BAZ2B: variants seen among roughly 807,000 people sequenced by gnomAD.
BAZ2B encodes the protein bromodomain adjacent to zinc finger domain protein 2B.
Under a neutral mutation model 246.0 loss-of-function variants are expected in BAZ2B, and 91 were observed. The ratio of observed to expected loss-of-function variants is 0.37; its 90% CI spans 0.31 to 0.44. The LOEUF (loss-of-function observed/expected upper bound fraction) is 0.44. BAZ2B is among the 20% of genes least tolerant of loss of function. BAZ2B has a pLI of 1.00. For missense variants in BAZ2B, 2,332 were observed against 2,533.7 expected, an observed-to-expected ratio of 0.92 and a Z score of 1.71; for synonymous variants, 855 against 860.0, an observed-to-expected ratio of 0.99 and a Z score of 0.10.
chr2:159,580,321 T>C (rs891071781), intron 1 of BAZ2B, among the ~76,000 whole-genome samples: 5 of 152,066 alleles, frequency 3.3e-5, no homozygotes, highest in Non-Finnish European at 7.4e-5. Context: ...CACAATTGCT[T>C]CAAAGAGAAT....
chr2:159,413,108 C>T (rs1407514687), intron 13 of BAZ2B, among the ~76,000 whole-genome samples: 1 of 152,156 alleles, frequency 6.6e-6, no homozygotes, highest in Non-Finnish European at 1.5e-5. Context: ...TATCAGCCTC[C>T]TGATGGAGGC....
chr2:159,420,914 C>T (rs929672717), intron 13 of BAZ2B, among the ~76,000 whole-genome samples: 9 of 152,132 alleles, frequency 5.9e-5, no homozygotes, highest in Non-Finnish European at 1.0e-4. Flanking sequence ...GTTTCTTAAA[C>T]TGCTAACAGA....
At chr2:159,698,993 G>A in the BAZ2B span, among the ~76,000 whole-genome samples, 4 of 152,096 alleles carry the variant, frequency 2.6e-5, no homozygotes, top group African/African-American at 7.2e-5. Flanking sequence ...CCAAAGCAAC[G>A]TGTCTGCTCA....
intron 2 of BAZ2B, among the ~76,000 whole-genome samples, chr2:159,503,493 T>C (rs140227352): frequency 3.3e-5 from 5 of 152,330 alleles, no homozygotes; most frequent in East Asian, 3.9e-4. Flanking sequence ...TCCTTTCCTG[T>C]TAATCTTGTG....
At chr2:159,699,402 T>TG in the BAZ2B span, among the ~76,000 whole-genome samples, 1 of 151,954 alleles carries the variant, frequency 6.6e-6, no homozygotes, top group African/African-American at 2.4e-5. Flanking sequence ...CTGAGTGTGG[T>TG]GGTGCAGGCC....
chr2:159,416,090 C>A (rs1226650048), intron 13 of BAZ2B, among the ~76,000 whole-genome samples: 1 of 152,046 alleles, frequency 6.6e-6, no homozygotes, highest in Non-Finnish European at 1.5e-5. Context: ...TGATAAGTGA[C>A]AGATCATAAC....
Position 159,386,571 on chromosome 2 carries a change from G to C in BAZ2B, c.3253C>G (p.Leu1085Val). The change falls in exon 22 of 37, where the codon CTC becomes GTC. Residue 1085 changes from leucine to valine, a missense_variant. By Grantham distance (32) the Leu-to-Val change is conservative (BLOSUM62 1). This residue lies in a region of BAZ2B where 328 missense variants were observed against 410.4 expected (regional missense o/e 0.80). Transcript: ENST00000392783. ...CAGTCTGAAAATGTACTTCCAGAGA[G>C]AACAAGTCCTGGAATACGAGGCAAC... Reference protein sequence around the residue: ...PELPRIPGLVLSGSTFSDCLM... With the variant: ...PELPRIPGLVVSGSTFSDCLM... 6.2e-7 allele frequency: 1 copy of C among 1,612,684 alleles called. No homozygotes were observed. Among genetic ancestry groups the C allele is most frequent in the Middle Eastern group, 1.7e-4 (1 of 6,052 alleles).
chr2:159,503,505 A>G (rs897937677), intron 2 of BAZ2B, among the ~76,000 whole-genome samples: 17 of 152,130 alleles, frequency 1.1e-4, no homozygotes, highest in Admixed American at 7.2e-4. Context: ...AATCTTGTGT[A>G]TTCCCTAATT....
the BAZ2B span, among the ~76,000 whole-genome samples, chr2:159,662,029 C>T: frequency 1.3e-5 from 2 of 152,198 alleles, no homozygotes; most frequent in Non-Finnish European, 2.9e-5. Flanking sequence ...CCACTGGCAA[C>T]CACCAATCGA....
chr2:159,680,715 T>C, the BAZ2B span, among the ~76,000 whole-genome samples: 1 of 152,154 alleles, frequency 6.6e-6, no homozygotes, highest in African/African-American at 2.4e-5. Flanking sequence ...ACAGGAATAA[T>C]ATATATTCCT....
At chr2:159,520,790 C>G (rs947151084) in intron 2 of BAZ2B, among the ~76,000 whole-genome samples, 4 of 152,094 alleles carry the variant, frequency 2.6e-5, no homozygotes, top group Non-Finnish European at 5.9e-5. Context: ...CTTTTGAGAA[C>G]ACTACCAAAA....
intron 13 of BAZ2B, among the ~76,000 whole-genome samples, chr2:159,418,591 T>C (rs569841941): frequency 6.6e-6 from 1 of 152,262 alleles, no homozygotes; most frequent in African/African-American, 2.4e-5. Flanking sequence ...TTTTAAATAC[T>C]TGTAAGCTGA....
the BAZ2B span, among the ~76,000 whole-genome samples, chr2:159,683,885 G>C: frequency 6.6e-6 from 1 of 152,152 alleles, no homozygotes; most frequent in Non-Finnish European, 1.5e-5. Context: ...TATCTACAAA[G>C]TCTTTTTTGC....
At chr2:159,464,503 G>A (rs1480607686) in intron 3 of BAZ2B, 2 of 152,112 alleles carry the variant, frequency 1.3e-5, no homozygotes, top group Non-Finnish European at 2.9e-5. Context: ...TAGTTCTGGT[G>A]ACATTAACTT....
At chr2:159,428,542 C>A in intron 11 of BAZ2B, 123 bp from the exon 12 acceptor site, 1 of 586,006 alleles carries the variant, frequency 1.7e-6, no homozygotes, top group Non-Finnish European at 2.8e-6. Flanking sequence ...AAAATAAACT[C>A]CTCAAACAAC....
At chr2:159,569,573 T>C (rs1683452593) in intron 1 of BAZ2B, among the ~76,000 whole-genome samples, 1 of 152,172 alleles carries the variant, frequency 6.6e-6, no homozygotes. Context: ...CAAAGTAACA[T>C]ATAATAAAAG....
intron 13 of BAZ2B, chr2:159,419,738 T>C (rs2068406369): frequency 6.6e-6 from 1 of 152,224 alleles, no homozygotes; most frequent in Admixed American, 6.5e-5. Flanking sequence ...TTCACACAGT[T>C]GTCCTCCTAG....
the BAZ2B span, among the ~76,000 whole-genome samples, chr2:159,642,238 CTTT>C: frequency 7.6e-6 from 1 of 131,722 alleles, no homozygotes; most frequent in Admixed American, 8.0e-5. Context: ...TTCTTTCTTT[CTTT>C]TTTTTTTTTT....
At chr2:159,512,412 C>T (rs1030452260) in intron 2 of BAZ2B, among the ~76,000 whole-genome samples, 7 of 152,110 alleles carry the variant, frequency 4.6e-5, no homozygotes, top group Admixed American at 6.5e-5. Context: ...GAACCACTTA[C>T]GTTCACTTTT....
Sources: gnomAD v4.1 joint callset for allele counts (sites outside exome capture counted in the v4.1 genomes callset) on GRCh38, gnomAD v4.1.1 for gene constraint, gnomAD v4.1.1 regional missense constraint, MANE v1.5 for transcripts, NCBI Gene and HGNC (gene_info 2026-07-23, HGNC 2026-07-21) for gene names.